The following THOC5 variants were observed in gnomAD, a reference collection of about 807,000 sequenced individuals.
The protein encoded by THOC5 is THO complex subunit 5, also known as Fms-interacting protein.
In THOC5, 43 loss-of-function variants were observed where a neutral mutation model predicts 92.9. That is an observed-to-expected ratio of 0.46 (90% confidence interval 0.36 to 0.60). The LOEUF (loss-of-function observed/expected upper bound fraction) is 0.60. Ranked by LOEUF, THOC5 falls within the 20% of genes least tolerant of loss-of-function variation. THOC5 has a pLI of 0.00. For missense variants in THOC5, 659 were observed against 849.4 expected, an observed-to-expected ratio of 0.78 and a Z score of 2.79; for synonymous variants, 296 against 320.1, an observed-to-expected ratio of 0.92 and a Z score of 0.80.
chr22:29,509,574 C>T (rs1398268253), intron 19 of THOC5, among the ~76,000 whole-genome samples: 2 of 152,188 alleles, frequency 1.3e-5, no homozygotes, highest in Non-Finnish European at 2.9e-5. Context: ...TGAAAGGATG[C>T]TGGGACTGCT....
chr22:29,549,513 C>T (rs1416383201), intron 1 of THOC5, among the ~76,000 whole-genome samples: 6 of 152,168 alleles, frequency 3.9e-5, no homozygotes, highest in African/African-American at 1.4e-4. Flanking sequence ...CATCTCAACA[C>T]CCTAGGCCAG....
chr22:29,525,799 C>G, intron 12 of THOC5, 39 bp downstream of exon 12: 1 of 1,541,114 alleles, frequency 6.5e-7, no homozygotes, highest in Non-Finnish European at 9.0e-7. Flanking sequence ...CATCACCTCC[C>G]CATCCCGCAC....
intron 5 of THOC5, among the ~76,000 whole-genome samples, chr22:29,539,888 G>A (rs571326942): frequency 1.3e-5 from 2 of 152,174 alleles, no homozygotes; most frequent in South Asian, 2.1e-4. Flanking sequence ...CATTAGCCGC[G>A]TAAGAACAGA....
chr22:29,513,390 C>T (rs938711678), intron 17 of THOC5, among the ~76,000 whole-genome samples: 1 of 150,144 alleles, frequency 6.7e-6, no homozygotes, highest in Admixed American at 6.7e-5. Flanking sequence ...TTACCTCCCC[C>T]TGTCCCCAAA....
chr22:29,539,603 T>G, intron 5 of THOC5, 127 bp from the exon 6 acceptor site: 1 of 976,408 alleles, frequency 1.0e-6, no homozygotes. Flanking sequence ...AATCCAGTCT[T>G]CTCCACAAAT....
rs1201055420 is a variant in THOC5 at position 29,539,864 on chromosome 22, A to C, written c.453-388T>G. 2.0e-5 allele frequency among the ~76,000 whole-genome samples: 3 copies of C among 152,242 alleles called. No individual in the cohort carries two copies. In the East Asian group the frequency reaches 5.8e-4, roughly 29 times the overall value. Reference sequence around the variant, plus strand: ...AACAGGAATAAATACAAGGGTCTGCACTTAAGTTCAAGACATTAGCCGCGT... The same window carrying C: ...AACAGGAATAAATACAAGGGTCTGCCCTTAAGTTCAAGACATTAGCCGCGT... On this transcript the variant is annotated intron_variant, in intron 5 of 19. Coordinates refer to ENST00000490103, the MANE Select transcript of THOC5 (RefSeq NM_003678.5).
intron 1 of THOC5, among the ~76,000 whole-genome samples, chr22:29,552,734 G>C (rs540192291): frequency 6.6e-6 from 1 of 152,324 alleles, no homozygotes; most frequent in South Asian, 2.1e-4. Context: ...CCCCGTCTGG[G>C]AGGTGTACCC....
At chr22:29,532,351 C>A (rs191091469) in intron 7 of THOC5, among the ~76,000 whole-genome samples, 4 of 151,862 alleles carry the variant, frequency 2.6e-5, no homozygotes, top group Non-Finnish European at 5.9e-5. Flanking sequence ...CATTTCAATA[C>A]CATCAATAAA....
At chr22:29,541,894 ATATATATATATATATAT>A (rs2063904542) in intron 5 of THOC5, among the ~76,000 whole-genome samples, 3 of 33,148 alleles carry the variant, frequency 9.1e-5, no homozygotes, top group African/African-American at 2.8e-4. Context: ...AAAAAAAAAA[ATATATATATATATATAT>A]ATATATATAT....
intron 1 of THOC5, among the ~76,000 whole-genome samples, chr22:29,552,567 G>A (rs547259895): frequency 6.6e-6 from 1 of 150,526 alleles, no homozygotes. Flanking sequence ...CCCCGTCCGG[G>A]GGGGAGGTGG....
intron 11 of THOC5, among the ~76,000 whole-genome samples, chr22:29,527,158 G>A (rs938903996): frequency 3.9e-5 from 6 of 152,148 alleles, no homozygotes; most frequent in African/African-American, 9.7e-5. Context: ...GGTGGTGCAC[G>A]CTTCCAGTCC....
chr22:29,519,076 C>T lies in THOC5; in HGVS notation c.1419G>A (p.Glu473=), dbSNP rs2063387224. Residue 473 remains glutamate, a synonymous_variant, in exon 15 of 20, where the codon GAG becomes GAA. Coordinates refer to ENST00000490103, the MANE Select transcript of THOC5 (RefSeq NM_003678.5). ...TGGTCTTCAGAAGTTTCATGGTGGT[C>T]TCCATGTGGCTGGCGCTCAGCGAGT... ...ADHSLSASHM[E]TTMKLLKTRV... is the part of the protein sequence containing the mutation. The T allele has an allele frequency of 2.5e-6, 4 of 1,611,680 alleles. No homozygotes were observed. In the South Asian group the frequency reaches 3.3e-5, roughly 13 times the overall value.
chr22:29,541,267 T>C (rs888842965), intron 5 of THOC5, among the ~76,000 whole-genome samples: 3 of 151,830 alleles, frequency 2.0e-5, no homozygotes, highest in African/African-American at 7.3e-5. Context: ...CTTACCCTTT[T>C]GGGAGGCCAA....
At chr22:29,523,187 A>C (rs890305789) in intron 12 of THOC5, among the ~76,000 whole-genome samples, 2 of 152,152 alleles carry the variant, frequency 1.3e-5, no homozygotes, top group Non-Finnish European at 2.9e-5. Flanking sequence ...GGTTGCAGTG[A>C]GTCAAGATCT....
chr22:29,528,563 C>A lies in THOC5; in HGVS notation c.926-97G>T, dbSNP rs1000341199. The A allele has an allele frequency of 4.2e-6, 5 of 1,197,092 alleles. No homozygotes were observed. In the Admixed American group the frequency reaches 5.7e-5, roughly 14 times the overall value. 74.2% of individuals were successfully genotyped at this position (1,197,092 alleles called of 1,614,324 possible). A position where few individuals can be genotyped will look rare whatever the true frequency, so the allele number is the denominator to read the frequency against. On this transcript the variant is annotated intron_variant, in intron 9 of 19. Transcript: ENST00000490103. ...TGGCATAAAGGGGCCCTGACTCTGT[C>A]TTTTGTAAATAAGTTTCTCTGTAAT...
Position 29,506,875 on chromosome 22 carries a change from A to T in THOC5, c.*1582T>A, listed in dbSNP as rs1013599492. Reference sequence around the variant, plus strand: ...TTATATGCAGATTTCTTTTTTTAAAATTTTTTAGAGATAGGGACTCGCATT... The same window carrying T: ...TTATATGCAGATTTCTTTTTTTAAATTTTTTTAGAGATAGGGACTCGCATT... On this transcript the variant is annotated 3_prime_UTR_variant, in exon 20 of 20. Transcript: ENST00000490103. 1 of 152,004 alleles carries T rather than the reference A, an allele frequency of 6.6e-6. No individual in the cohort carries two copies. Among genetic ancestry groups the T allele is most frequent in the African/African-American group, 2.4e-5 (1 of 41,330 alleles). The allele number at this position is 152,004 out of a possible 1,614,324, so 9.4% of individuals were successfully genotyped here.
At chr22:29,526,002 A>G in intron 11 of THOC5, 56 bp from the exon 12 acceptor site, 1 of 884,692 alleles carries the variant, frequency 1.1e-6, no homozygotes, top group Non-Finnish European at 1.7e-6. Flanking sequence ...AGCAGAGTGA[A>G]CAGAGTCATA....
At chr22:29,539,215 G>A in intron 6 of THOC5, 115 bp downstream of exon 6, 4 of 1,096,276 alleles carry the variant, frequency 3.6e-6, no homozygotes, top group Non-Finnish European at 5.3e-6. Flanking sequence ...TCATAAAATG[G>A]GATTTGGTCT....
rs2063155332 is a variant in THOC5, at chr22:29,508,113, G to C, written c.*344C>G. 1 of 231,638 alleles carries C rather than the reference G, an allele frequency of 4.3e-6. No individual in the cohort carries two copies. The highest frequency in any genetic ancestry group is 8.4e-6 in the Non-Finnish European group (1 of 118,620). 14.3% of individuals were successfully genotyped at this position (231,638 alleles called of 1,614,324 possible). ...CAGGAACTTGGGATAATAAATACAA[G>C]ATCATGAGGACCTCACCCCGCAAAG... On this transcript the variant is annotated 3_prime_UTR_variant, in exon 20 of 20. Transcript: ENST00000490103.
Sources: gnomAD v4.1 joint callset for allele counts (sites outside exome capture counted in the v4.1 genomes callset) on GRCh38, gnomAD v4.1.1 for gene constraint, MANE v1.5 for transcripts, NCBI Gene and HGNC (gene_info 2026-07-23, HGNC 2026-07-21) for gene names.